Variants in SLCO5A1 observed in about 807,000 individuals in gnomAD.
SLCO5A1 encodes organic anion transporter polypeptide-related protein 4.
Under a neutral mutation model 65.1 loss-of-function variants are expected in SLCO5A1, and 39 were observed. The ratio of observed to expected loss-of-function variants is 0.60; its 90% CI spans 0.46 to 0.78. SLCO5A1 has a LOEUF of 0.78. SLCO5A1 is among the 30% of genes least tolerant of loss of function. The pLI is 0.00. For synonymous variants in SLCO5A1, 438 were observed against 415.7 expected (o/e 1.05, Z -0.65); for missense variants, 1,029 against 1,069.4 (o/e 0.96, Z 0.53).
At chr8:69,812,488 T>C (rs1046173011) in intron 2 of SLCO5A1, among the ~76,000 whole-genome samples, 2 of 152,242 alleles carry the variant, frequency 1.3e-5, no homozygotes, top group Non-Finnish European at 2.9e-5. Context: ...GCAAGGTTTA[T>C]GTCCTAAATT....
chr8:69,736,769 A>T (rs538849580), intron 5 of SLCO5A1, among the ~76,000 whole-genome samples: 1 of 152,338 alleles, frequency 6.6e-6, no homozygotes, highest in Non-Finnish European at 1.5e-5. Flanking sequence ...TCTTCCCACT[A>T]ACACCTTTGA....
intron 5 of SLCO5A1, among the ~76,000 whole-genome samples, chr8:69,723,938 A>T (rs1815951956): frequency 1.3e-5 from 2 of 152,102 alleles, no homozygotes; most frequent in African/African-American, 4.8e-5. Flanking sequence ...TATCCAGCTA[A>T]TTTTTTGTAT....
chr8:69,709,363 G>A (rs974636556), intron 5 of SLCO5A1, among the ~76,000 whole-genome samples: 2 of 152,200 alleles, frequency 1.3e-5, no homozygotes, highest in African/African-American at 4.8e-5. Flanking sequence ...GGATAACATA[G>A]AATTAATAGC....
chr8:69,827,971 C>T (rs922118478), intron 2 of SLCO5A1, among the ~76,000 whole-genome samples: 2 of 152,138 alleles, frequency 1.3e-5, no homozygotes, highest in Admixed American at 1.3e-4. Context: ...AGTTGGTTCT[C>T]AGGGCTTCTT....
chr8:69,731,911 C>T (rs1349115346), intron 5 of SLCO5A1, among the ~76,000 whole-genome samples: 1 of 152,202 alleles, frequency 6.6e-6, no homozygotes, highest in African/African-American at 2.4e-5. Context: ...TGGACATCTA[C>T]ACCTAAAACA....
chr8:69,765,409 C>T (rs1282076264), intron 2 of SLCO5A1, among the ~76,000 whole-genome samples: 3 of 149,822 alleles, frequency 2.0e-5, no homozygotes, highest in South Asian at 4.1e-4. Context: ...TATACACACA[C>T]ACACACACAC....
intron 2 of SLCO5A1, chr8:69,794,662 A>AT: frequency 3.1e-6 from 1 of 321,078 alleles, no homozygotes; most frequent in Non-Finnish European, 6.3e-6. Context: ...TCTTTATGAT[A>AT]TTTGTGGCAG....
At chr8:69,815,675 C>CACACACACAA (rs1820374082) in intron 2 of SLCO5A1, among the ~76,000 whole-genome samples, 1 of 151,784 alleles carries the variant, frequency 6.6e-6, no homozygotes, top group Non-Finnish European at 1.5e-5. Flanking sequence ...CACACACACA[C>CACACACACAA]ACACACACAC....
chr8:69,821,698 G>A (rs1820651152), intron 2 of SLCO5A1, among the ~76,000 whole-genome samples: 1 of 151,680 alleles, frequency 6.6e-6, no homozygotes. Context: ...CACCTACTCA[G>A]GGAGGCTAAG....
At chr8:69,815,007 T>G (rs973018000) in intron 2 of SLCO5A1, among the ~76,000 whole-genome samples, 39 of 152,152 alleles carry the variant, frequency 2.6e-4, no homozygotes, top group African/African-American at 9.2e-4. Flanking sequence ...TTACAGAGGT[T>G]GCGGGATGGG....
chr8:69,696,572 C>T (rs191878778), intron 6 of SLCO5A1, among the ~76,000 whole-genome samples: 5 of 152,178 alleles, frequency 3.3e-5, no homozygotes, highest in Admixed American at 2.6e-4. Context: ...CTCTAAGGAA[C>T]CTGGAAGAAA....
At chr8:69,675,544 T>C (rs1813513486) in intron 9 of SLCO5A1, among the ~76,000 whole-genome samples, 1 of 152,128 alleles carries the variant, frequency 6.6e-6, no homozygotes. Context: ...TTTTAAAAAA[T>C]GATAGCCTCA....
At chr8:69,717,080 T>C (rs1014462228) in intron 5 of SLCO5A1, among the ~76,000 whole-genome samples, 1 of 152,152 alleles carries the variant, frequency 6.6e-6, no homozygotes, top group Non-Finnish European at 1.5e-5. Context: ...GCCTGGCCCA[T>C]TTTTACTTTT....
In SLCO5A1 at chr8:69,832,191, A is replaced by G; in HGVS notation, c.483T>C (p.Ser161=). ...GCAGCCCCGACTCGGAACTCTTCAG[A>G]CTGTAGCGCCTTTCAATGGTGGTAA... ...SVITTIERRY[S]LKSSESGLLV... is the part of the protein sequence containing the mutation. Residue 161 remains serine, a synonymous_variant, in exon 2 of 10, where the codon AGT becomes AGC. Transcript: ENST00000260126. The surrounding 1 kb of genome is among the most constrained non-coding windows in gnomAD (Gnocchi z 4.5). The G allele has an allele frequency of 6.2e-7, 1 of 1,614,102 alleles. No individual in the cohort carries two copies. Among genetic ancestry groups the G allele is most frequent in the South Asian group, 1.1e-5 (1 of 91,080 alleles).
chr8:69,718,216 G>T (rs931496892), intron 5 of SLCO5A1, among the ~76,000 whole-genome samples: 1 of 152,150 alleles, frequency 6.6e-6, no homozygotes, highest in Non-Finnish European at 1.5e-5. Context: ...AAATACAATA[G>T]ATTTTTGTAT....
intron 2 of SLCO5A1, among the ~76,000 whole-genome samples, chr8:69,822,537 C>A (rs1364199994): frequency 6.6e-6 from 1 of 152,146 alleles, no homozygotes; most frequent in East Asian, 1.9e-4. Flanking sequence ...TGTTTCTTTT[C>A]TTTTTTCCAA....
chr8:69,832,113 G>A lies in SLCO5A1; in HGVS notation c.561C>T (p.Tyr187=). 6.2e-7 allele frequency: 1 copy of A among 1,614,170 alleles called. No individual in the cohort carries two copies. The highest frequency in any genetic ancestry group is 8.5e-7 in the Non-Finnish European group (1 of 1,180,038). ...GNLVVVVFVS[Y]FGGRGRRPLW... Reference sequence around the variant, plus strand: ...GGGGCCGCCGACCCCGGCCGCCGAAGTAGCTGACGAACACCACCACCACCA... The same window carrying A: ...GGGGCCGCCGACCCCGGCCGCCGAAATAGCTGACGAACACCACCACCACCA... Residue 187 remains tyrosine (Y), a synonymous_variant, in exon 2 of 10, where the codon TAC becomes TAT. Transcript: ENST00000260126. This position sits in a 1 kb window ranked among gnomAD's most constrained non-coding sequence, Gnocchi z 4.5.
chr8:69,783,744 A>T (rs1007113981), intron 2 of SLCO5A1, among the ~76,000 whole-genome samples: 4 of 152,174 alleles, frequency 2.6e-5, no homozygotes, highest in Non-Finnish European at 5.9e-5. Context: ...TATGTTAAAT[A>T]TTATGAGTGA....
chr8:69,740,467 C>T (rs1261923429), intron 4 of SLCO5A1, among the ~76,000 whole-genome samples: 1 of 152,104 alleles, frequency 6.6e-6, no homozygotes, highest in Non-Finnish European at 1.5e-5. Flanking sequence ...TTCAGATAGA[C>T]AGATAGATAA....
Sources: allele counts gnomAD v4.1 joint callset (sites outside exome capture counted in the v4.1 genomes callset), GRCh38; gene constraint gnomAD v4.1.1; non-coding constraint Gnocchi (gnomAD v3.1); transcripts MANE v1.5; gene names NCBI Gene and HGNC (gene_info 2026-07-23, HGNC 2026-07-21).